Variants in SFMBT2 observed in about 807,000 individuals in gnomAD.
SFMBT2 encodes the protein scm-like with four MBT domains protein 2.
SFMBT2 carries 38 observed loss-of-function variants against 110.1 expected under a neutral mutation model. That is an observed-to-expected ratio of 0.35 (90% CI 0.27 to 0.45). The LOEUF is 0.45. Ranked by LOEUF, SFMBT2 falls within the 20% of genes least tolerant of loss-of-function variation. The pLI is 1.00. For missense variants in SFMBT2, 1,011 were observed against 1,094.9 expected (o/e 0.92, Z 1.08); for synonymous variants, 425 against 425.4 (o/e 1.00, Z 0.01).
chr10:7,172,068 A>T lies in SFMBT2; in HGVS notation c.2242T>A (p.Ser748Thr). 6.2e-7 allele frequency: 1 copy of T among 1,605,990 alleles called. No homozygotes were observed. Among genetic ancestry groups the T allele is most frequent in the Non-Finnish European group, 8.5e-7 (1 of 1,176,216 alleles). Residue 748 changes from serine to threonine, a missense_variant, in exon 19 of 21, where the codon TCG (serine) becomes ACG (threonine). This residue lies in a region of SFMBT2 where 979 missense variants were observed against 1,016.1 expected (regional missense o/e 0.96). Transcript: ENST00000397167. The surrounding 1 kb of genome is among the most constrained non-coding windows in gnomAD (Gnocchi z 4.6). Reference protein sequence around the residue: ...SELRDDQTDTSSAEVPSARPR... With the variant: ...SELRDDQTDTTSAEVPSARPR... ...CGGGCCGAGGGCACCTCCGCCGACG[A>T]GGTGTCCGTCTGGTCATCCCGGAGC...
intron 1 of SFMBT2, among the ~76,000 whole-genome samples, chr10:7,396,629 T>C (rs904747353): frequency 2.0e-5 from 3 of 152,088 alleles, no homozygotes; most frequent in Admixed American, 2.0e-4. Context: ...AATTCTAACA[T>C]AGCATTTTCC....
upstream of SFMBT2, chr10:7,411,443 G>C (rs1326869238): frequency 6.6e-6 from 1 of 152,220 alleles, no homozygotes; most frequent in South Asian, 2.1e-4. Context: ...TCGTGAGCTG[G>C]GTTTCCAATG....
chr10:7,341,989 G>C (rs540479869), intron 4 of SFMBT2, among the ~76,000 whole-genome samples: 11 of 151,890 alleles, frequency 7.2e-5, no homozygotes, highest in South Asian at 2.1e-4. Context: ...CCAGTTTTTA[G>C]TTGAGTGTGC....
chr10:7,266,889 G>A lies in SFMBT2; in HGVS notation c.870+10003C>T, dbSNP rs1309732728. Among the ~76,000 whole-genome samples, 3 of 152,312 alleles carry A rather than the reference G, an allele frequency of 2.0e-5. No individual in the cohort carries two copies. In the East Asian group the frequency reaches 5.8e-4, roughly 29 times the overall value. On this transcript the variant is annotated intron_variant, in intron 7 of 20. Transcript: ENST00000397167. ...GAGAAGGGTTCACCTGGGAGGCCTAGGCTGTGGTCCTCACAGAGGGGGCTC... is the reference window on the plus strand; with the variant it reads ...GAGAAGGGTTCACCTGGGAGGCCTAAGCTGTGGTCCTCACAGAGGGGGCTC...
intron 2 of SFMBT2, among the ~76,000 whole-genome samples, chr10:7,377,472 T>C (rs982975274): frequency 4.6e-5 from 7 of 152,166 alleles, no homozygotes; most frequent in South Asian, 2.1e-4. Flanking sequence ...ATTATTACAT[T>C]GTACTATATA....
intron 4 of SFMBT2, among the ~76,000 whole-genome samples, chr10:7,287,787 T>C (rs1842139246): frequency 6.6e-6 from 1 of 152,176 alleles, no homozygotes; most frequent in African/African-American, 2.4e-5. Flanking sequence ...AAAAGGGAAG[T>C]TGGCCATAAG....
chr10:7,171,396 G>A lies in SFMBT2; in HGVS notation c.2416-340C>T. 2.0e-6 allele frequency: 2 copies of A among 985,432 alleles called. No individual in the cohort carries two copies. The highest frequency in any genetic ancestry group is 2.4e-6 in the Non-Finnish European group (2 of 829,916). 61.0% of individuals were successfully genotyped at this position (985,432 alleles called of 1,614,324 possible). On this transcript the variant is annotated intron_variant, in intron 19 of 20. Coordinates refer to ENST00000397167, the MANE Select transcript of SFMBT2 (RefSeq NM_001387889.1). The surrounding 1 kb of genome is among the most constrained non-coding windows in gnomAD (Gnocchi z 4.9). ...GAAATACAAGGGGCACGTCCAAGCA[G>A]ACACGAGACAGTGTCCCCCAGTGTT... is the stretch of plus-strand genomic sequence containing the variant.
At chr10:7,244,467 A>T (rs146032741) in intron 8 of SFMBT2, among the ~76,000 whole-genome samples, 2,465 of 152,316 alleles carry the variant, frequency 0.016, 33 homozygotes, top group Admixed American at 0.021. Flanking sequence ...TCTTTTTGTT[A>T]ACACAAGTAT....
intron 1 of SFMBT2, among the ~76,000 whole-genome samples, chr10:7,405,162 T>G (rs1846180309): frequency 6.6e-6 from 1 of 152,190 alleles, no homozygotes; most frequent in Non-Finnish European, 1.5e-5. Context: ...GAGTGGATGC[T>G]CACACTCACT....
intron 2 of SFMBT2, among the ~76,000 whole-genome samples, chr10:7,374,458 A>G (rs955448830): frequency 6.6e-6 from 1 of 152,190 alleles, no homozygotes; most frequent in Non-Finnish European, 1.5e-5. Context: ...CGCTGGTTGC[A>G]GTTCTTTATT....
At chr10:7,392,934 T>C (rs1034624893) in intron 1 of SFMBT2, among the ~76,000 whole-genome samples, 4 of 140,224 alleles carry the variant, frequency 2.9e-5, no homozygotes, top group East Asian at 2.3e-4. Flanking sequence ...TCCTATCTCA[T>C]TAGATGTTTA....
chr10:7,292,221 C>T (rs967219952), intron 4 of SFMBT2: 1 of 243,864 alleles, frequency 4.1e-6, no homozygotes, highest in Non-Finnish European at 6.6e-6. Flanking sequence ...AGGTAGCAGC[C>T]TTTGACTTCT....
intron 1 of SFMBT2, among the ~76,000 whole-genome samples, chr10:7,385,457 A>G (rs891825457): frequency 6.6e-6 from 1 of 152,214 alleles, no homozygotes; most frequent in Non-Finnish European, 1.5e-5. Flanking sequence ...ACTGAAGGAA[A>G]AAGGTAGGAA....
chr10:7,268,738 T>C (rs1431960633), intron 7 of SFMBT2, among the ~76,000 whole-genome samples: 1 of 152,234 alleles, frequency 6.6e-6, no homozygotes, highest in Non-Finnish European at 1.5e-5. Context: ...CTCAAACTCC[T>C]GACCTCAGGT....
chr10:7,376,937 G>A (rs1177640391), intron 2 of SFMBT2, among the ~76,000 whole-genome samples: 5 of 150,758 alleles, frequency 3.3e-5, no homozygotes, highest in African/African-American at 4.9e-5. Context: ...TTGGGAGGCC[G>A]AGGCGGGCAA....
intron 7 of SFMBT2, among the ~76,000 whole-genome samples, chr10:7,254,708 G>C (rs1203232911): frequency 6.6e-6 from 1 of 152,026 alleles, no homozygotes; most frequent in Non-Finnish European, 1.5e-5. Context: ...CACACCTGTA[G>C]TCCTAGCTAC....
chr10:7,375,336 A>C (rs1182912393), intron 2 of SFMBT2, among the ~76,000 whole-genome samples: 2 of 152,198 alleles, frequency 1.3e-5, no homozygotes, highest in Non-Finnish European at 2.9e-5. Flanking sequence ...ACAATTTTAC[A>C]ATCTGAAACA....
chr10:7,248,082 T>C (rs117997185), intron 8 of SFMBT2, among the ~76,000 whole-genome samples: 2,088 of 152,332 alleles, frequency 0.014, 27 homozygotes, highest in Non-Finnish European at 0.024. Context: ...GGTAATTTTA[T>C]TGTGAATCTG....
chr10:7,367,536 T>C lies in SFMBT2; in HGVS notation c.436+113A>G. The stretch of plus-strand genomic sequence containing the variant: ...CCACTCTGAAAGAACTGTGAGACCT[T>C]TGCACTAAGACCATTAGGGATTCTA... On this transcript the variant is annotated intron_variant, in intron 4 of 20. Transcript: ENST00000397167. The surrounding 1 kb of genome is among the most constrained non-coding windows in gnomAD (Gnocchi z 6.2). 1 of 1,477,048 alleles carries C rather than the reference T, an allele frequency of 6.8e-7. No individual in the cohort carries two copies. The highest frequency in any genetic ancestry group is 9.0e-7 in the Non-Finnish European group (1 of 1,114,496). The allele number at this position is 1,477,048 out of a possible 1,614,324, so 91.5% of individuals were successfully genotyped here. A position where few individuals can be genotyped will look rare whatever the true frequency, so the allele number is the denominator to read the frequency against.
Sources: gnomAD v4.1 joint callset for allele counts (sites outside exome capture counted in the v4.1 genomes callset) on GRCh38, gnomAD v4.1.1 for gene constraint, gnomAD v4.1.1 regional missense constraint, Gnocchi (gnomAD v3.1) non-coding constraint, MANE v1.5 for transcripts, NCBI Gene and HGNC (gene_info 2026-07-23, HGNC 2026-07-21) for gene names.